The following NHS variants were observed in gnomAD, a reference collection of about 807,000 sequenced individuals.
The protein encoded by NHS is NHS actin remodeling regulator.
In NHS, 5 loss-of-function variants were observed where a neutral mutation model predicts 72.5. The ratio of observed to expected loss-of-function variants is 0.07; its 90% CI spans 0.04 to 0.14. NHS has a LOEUF of 0.14. Ranked by LOEUF, NHS falls within the 10% of genes least tolerant of loss-of-function variation. NHS has a pLI of 1.00. For synonymous variants in NHS, 464 were observed against 547.7 expected, an observed-to-expected ratio of 0.85 and a Z score of 2.13; for missense variants, 1,072 against 1,355.7, an observed-to-expected ratio of 0.79 and a Z score of 3.29.
rs1215396663 is a variant in NHS, at chrX:17,383,580, GGAGA to G, written c.565+7264_565+7267del. Among the ~76,000 whole-genome samples, 14 of 112,264 alleles carry G rather than the reference GGAGA, an allele frequency of 1.2e-4. No individual in the cohort carries two copies. The East Asian group carries it at 3.9e-3, about 31-fold the overall frequency. On this transcript the variant is annotated intron_variant, in intron 1 of 8. Transcript: ENST00000676302. ...GCAAGCACATCTTCACATGGTGGCA[GGAGA>G]GAGAGCAAGAGTGAAGGGGGAAGTG... is the stretch of plus-strand genomic sequence containing the variant.
In NHS at chrX:17,651,394, T is replaced by G. The variant is rs147057040; in HGVS notation, c.566-36348T>G. Among the ~76,000 whole-genome samples, 155 of 112,477 alleles carry G rather than the reference T, an allele frequency of 1.4e-3. 4 individuals carry two copies. In the East Asian group the frequency reaches 0.039, roughly 29 times the overall value. The stretch of plus-strand genomic sequence containing the variant: ...CCTAAGTAATCAACAAAACATTAAA[T>G]TGTGTTTTGTAGCATCTGATTAAAG... On this transcript the variant is annotated intron_variant, in intron 1 of 8. Transcript: ENST00000676302.
chrX:17,429,656 A>G (rs965119159), intron 1 of NHS, among the ~76,000 whole-genome samples: 14 of 111,528 alleles, frequency 1.3e-4, no homozygotes, highest in Non-Finnish European at 2.4e-4. Context: ...AGGCAAACCC[A>G]GGATCCATGC....
At position 17,692,438 on chromosome X, in the gene NHS, G is replaced by A. The variant is rs1192420369; in HGVS notation, c.822G>A (p.Arg274=). The part of the protein sequence containing the change: ...PAYPPAHSQR[R]REFKDRHFLT... Reference sequence around the variant, plus strand: ...ACCCTCCAGCTCACAGCCAGAGGAGGCGTGAGTTTAAGGACCGTCACTTTT... The same window carrying A: ...ACCCTCCAGCTCACAGCCAGAGGAGACGTGAGTTTAAGGACCGTCACTTTT... Residue 274 remains arginine (R), a synonymous_variant, in exon 3 of 9, where the codon AGG becomes AGA. Coordinates refer to ENST00000676302, the MANE Select transcript of NHS (RefSeq NM_001291867.2). 1 of 1,210,541 alleles carries A rather than the reference G, an allele frequency of 8.3e-7. No individual in the cohort carries two copies. The highest frequency in any genetic ancestry group is 2.2e-5 in the Admixed American group (1 of 45,888).
chrX:17,633,857 T>C (rs2065831714), intron 1 of NHS, among the ~76,000 whole-genome samples: 1 of 112,010 alleles, frequency 8.9e-6, no homozygotes, highest in South Asian at 3.7e-4. Flanking sequence ...TGATTGTTGT[T>C]TGAGGCAAGA....
At chrX:17,485,832 G>A (rs1601727684) in intron 1 of NHS, among the ~76,000 whole-genome samples, 2 of 111,805 alleles carry the variant, frequency 1.8e-5, no homozygotes, top group African/African-American at 6.5e-5. Flanking sequence ...AACATCAGTG[G>A]CAATTTGAAG....
At chrX:17,669,372 G>T (rs2066030990) in intron 1 of NHS, among the ~76,000 whole-genome samples, 1 of 112,218 alleles carries the variant, frequency 8.9e-6, no homozygotes. Flanking sequence ...GAAATCAGTT[G>T]CAGGAACGAA....
chrX:17,537,973 AGCCAGCCACGGGCAGGAGGGC>A (rs2065237167), intron 1 of NHS, among the ~76,000 whole-genome samples: 1 of 111,946 alleles, frequency 8.9e-6, no homozygotes, highest in Non-Finnish European at 1.9e-5. Flanking sequence ...AGAATTGCAG[AGCCAGCCACGGGCAGGAGGGC>A]TTCCTGCTCA....
intron 1 of NHS, among the ~76,000 whole-genome samples, chrX:17,441,935 G>A (rs1246802477): frequency 8.9e-6 from 1 of 111,854 alleles, no homozygotes; most frequent in Non-Finnish European, 1.9e-5. Context: ...AATGAGCGTC[G>A]GAATCACCTG....
At chrX:17,445,077 T>C (rs1467897993) in intron 1 of NHS, among the ~76,000 whole-genome samples, 1 of 111,683 alleles carries the variant, frequency 9.0e-6, no homozygotes, top group Non-Finnish European at 1.9e-5. Context: ...TGCAGACTTG[T>C]ATCTGAAATT....
At chrX:17,512,397 G>C (rs933202985) in intron 1 of NHS, among the ~76,000 whole-genome samples, 5 of 112,171 alleles carry the variant, frequency 4.5e-5, no homozygotes, top group African/African-American at 1.6e-4. Context: ...CCTGAAGGTG[G>C]CTTGTGGAAG....
intron 1 of NHS, among the ~76,000 whole-genome samples, chrX:17,544,275 G>A (rs184687360): frequency 4.8e-4 from 54 of 112,072 alleles, no homozygotes; most frequent in South Asian, 1.9e-3. Flanking sequence ...GACAGAGATA[G>A]GATTTGAATC....
At chrX:17,683,776 T>C (rs973813188) in intron 1 of NHS, among the ~76,000 whole-genome samples, 2 of 112,024 alleles carry the variant, frequency 1.8e-5, no homozygotes, top group African/African-American at 6.5e-5. Flanking sequence ...TTTCCTGTTG[T>C]AACCCTTGTC....
intron 1 of NHS, among the ~76,000 whole-genome samples, chrX:17,620,676 G>A (rs949453873): frequency 1.8e-5 from 2 of 111,793 alleles, no homozygotes; most frequent in South Asian, 7.4e-4. Flanking sequence ...AGGCCTCTGG[G>A]GAGGGAGTAT....
In NHS at chrX:17,549,577, G is replaced by A. The variant is rs150115086; in HGVS notation, c.566-138165G>A. Among the ~76,000 whole-genome samples the A allele has an allele frequency of 2.9e-4, 33 of 111,911 alleles. No individual in the cohort carries two copies. The East Asian group carries it at 8.8e-3, about 30-fold the overall frequency. Reference sequence around the variant, plus strand: ...ATTACAGCCAGCTTTTCACAGCAGCGGTGGGTGTGAGGATGCGCTGACCAC... The same window carrying A: ...ATTACAGCCAGCTTTTCACAGCAGCAGTGGGTGTGAGGATGCGCTGACCAC... On this transcript the variant is annotated intron_variant, in intron 1 of 8. Transcript: ENST00000676302.
At chrX:17,689,289 T>C (rs181179543) in intron 2 of NHS, among the ~76,000 whole-genome samples, 128 of 111,960 alleles carry the variant, frequency 1.1e-3, no homozygotes, top group Non-Finnish European at 4.3e-4. Flanking sequence ...TTCTAAAAAT[T>C]TTCCTTGGTT....
intron 1 of NHS, among the ~76,000 whole-genome samples, chrX:17,394,843 C>T (rs1383636252): frequency 9.0e-6 from 1 of 111,329 alleles, no homozygotes; most frequent in African/African-American, 3.3e-5. Flanking sequence ...GAAACAAATT[C>T]ACACATACCA....
chrX:17,433,886 A>G (rs2064707227), intron 1 of NHS, among the ~76,000 whole-genome samples: 1 of 112,266 alleles, frequency 8.9e-6, no homozygotes, highest in Non-Finnish European at 1.9e-5. Flanking sequence ...ACTAACTTCT[A>G]CAACATCCCC....
At chrX:17,627,833 A>G (rs1156715597) in intron 1 of NHS, among the ~76,000 whole-genome samples, 1 of 112,205 alleles carries the variant, frequency 8.9e-6, no homozygotes, top group Non-Finnish European at 1.9e-5. Flanking sequence ...CCCATGCCCA[A>G]ATCCTCTTCT....
chrX:17,733,515 A>G lies in NHS; in HGVS notation c.*1051A>G. 1 of 112,282 alleles carries G rather than the reference A, an allele frequency of 8.9e-6. No individual in the cohort carries two copies. The highest frequency in any genetic ancestry group is 1.9e-5 in the Non-Finnish European group (1 of 53,173). 9.3% of individuals were successfully genotyped at this position (112,282 alleles called of 1,213,427 possible). A position where few individuals can be genotyped will look rare whatever the true frequency, so the allele number is the denominator to read the frequency against. ...TGACTGTAATCATTAAACTCCTTAA[A>G]CAGTTTAGAAATTAGCTCCAGGTTC... On this transcript the variant is annotated 3_prime_UTR_variant, in exon 9 of 9. Coordinates refer to ENST00000676302, the MANE Select transcript of NHS (RefSeq NM_001291867.2).
Sources: gnomAD v4.1 joint callset for allele counts (sites outside exome capture counted in the v4.1 genomes callset) on GRCh38, gnomAD v4.1.1 for gene constraint, MANE v1.5 for transcripts, NCBI Gene and HGNC (gene_info 2026-07-23, HGNC 2026-07-21) for gene names.